SPSB4: variants seen among roughly 807,000 people sequenced by gnomAD.
The protein encoded by SPSB4 is splA/ryanodine receptor domain and SOCS box containing 4.
In SPSB4, 21 loss-of-function variants were observed where a neutral mutation model predicts 20.9. The observed-to-expected ratio is 1.01, with a 90% CI of 0.71 to 1.45. The LOEUF (loss-of-function observed/expected upper bound fraction) is 1.45. Ranked by LOEUF, SPSB4 falls within the 40% of genes most tolerant of loss-of-function variation. The pLI is 0.00. For missense variants in SPSB4, 399 were observed against 399.2 expected, an observed-to-expected ratio of 1.00 and a Z score of 0.00; for synonymous variants, 207 against 183.8, an observed-to-expected ratio of 1.13 and a Z score of -1.02.
At chr3:141,124,820 C>T (rs1164124707) in intron 2 of SPSB4, among the ~76,000 whole-genome samples, 6 of 152,088 alleles carry the variant, frequency 3.9e-5, no homozygotes, top group Non-Finnish European at 7.4e-5. Flanking sequence ...AGGCCACAGA[C>T]AGGGCATGTG....
chr3:141,146,036 A>G lies in SPSB4; in HGVS notation c.695-1106A>G, dbSNP rs1490450150. The stretch of plus-strand genomic sequence containing the variant: ...TATTGCATATATTACACTCTATTAA[A>G]ATGATTCACCTATTTAAAATCCCAG... On this transcript the variant is annotated intron_variant, in intron 2 of 2. Coordinates refer to ENST00000310546, the MANE Select transcript of SPSB4 (RefSeq NM_080862.3). 2.0e-5 allele frequency among the ~76,000 whole-genome samples: 3 copies of G among 151,952 alleles called. No individual in the cohort carries two copies. In the East Asian group the frequency reaches 5.8e-4, roughly 29 times the overall value.
At chr3:141,123,658 C>G (rs925795846) in intron 2 of SPSB4, among the ~76,000 whole-genome samples, 2 of 152,218 alleles carry the variant, frequency 1.3e-5, no homozygotes, top group South Asian at 4.1e-4. Flanking sequence ...ACTGTCTCTG[C>G]AAGCACCCTT....
intron 2 of SPSB4, among the ~76,000 whole-genome samples, chr3:141,075,448 TAACTTTGCAG>T (rs762702078): frequency 5.3e-5 from 8 of 152,186 alleles, no homozygotes; most frequent in Non-Finnish European, 1.2e-4. Context: ...ATAAGTTTCC[TAACTTTGCAG>T]TTCCTCGGTA....
chr3:141,091,196 G>T (rs1484395545), intron 2 of SPSB4, among the ~76,000 whole-genome samples: 1 of 152,222 alleles, frequency 6.6e-6, no homozygotes, highest in African/African-American at 2.4e-5. Context: ...GATGTAGCAT[G>T]AAATCCCCTG....
intron 2 of SPSB4, among the ~76,000 whole-genome samples, chr3:141,104,635 C>G (rs1228435994): frequency 6.6e-6 from 1 of 152,202 alleles, no homozygotes; most frequent in Non-Finnish European, 1.5e-5. Context: ...GTCAGGCAGG[C>G]AGTGGTGTCT....
intron 2 of SPSB4, among the ~76,000 whole-genome samples, chr3:141,098,271 G>GT (rs966232632): frequency 1.3e-5 from 2 of 152,016 alleles, no homozygotes; most frequent in African/African-American, 4.8e-5. Context: ...TTTTGTGTTT[G>GT]TTTTTTTGAA....
intron 1 of SPSB4, among the ~76,000 whole-genome samples, chr3:141,053,465 A>T (rs1269743758): frequency 6.6e-6 from 1 of 152,208 alleles, no homozygotes; most frequent in African/African-American, 2.4e-5. Flanking sequence ...TTTTAAAGAT[A>T]TATTTAATGA....
At chr3:141,104,704 A>G (rs960585419) in intron 2 of SPSB4, among the ~76,000 whole-genome samples, 1 of 152,226 alleles carries the variant, frequency 6.6e-6, no homozygotes, top group African/African-American at 2.4e-5. Flanking sequence ...GAGCCAGCAC[A>G]GGCTGCGCGG....
At chr3:141,104,620 C>CA (rs1938661126) in intron 2 of SPSB4, among the ~76,000 whole-genome samples, 1 of 152,168 alleles carries the variant, frequency 6.6e-6, no homozygotes, top group Non-Finnish European at 1.5e-5. Flanking sequence ...ACACAGGTGG[C>CA]CGGTGTCAGG....
chr3:141,089,037 G>A (rs145660268), intron 2 of SPSB4, among the ~76,000 whole-genome samples: 41 of 152,318 alleles, frequency 2.7e-4, no homozygotes, highest in Middle Eastern at 3.4e-3. Context: ...TGTGCAACTC[G>A]CTTCCTTCAT....
At chr3:141,125,634 G>A (rs1300883028) in intron 2 of SPSB4, among the ~76,000 whole-genome samples, 1 of 152,204 alleles carries the variant, frequency 6.6e-6, no homozygotes, top group African/African-American at 2.4e-5. Context: ...TTTCAGGCAT[G>A]GGCCCAAGGT....
At chr3:141,109,107 A>T (rs143719166) in intron 2 of SPSB4, among the ~76,000 whole-genome samples, 2 of 152,348 alleles carry the variant, frequency 1.3e-5, no homozygotes, top group Non-Finnish European at 1.5e-5. Flanking sequence ...TTATTAAAAC[A>T]TGACAGTGAT....
At chr3:141,091,479 ATC>A (rs1185799234) in intron 2 of SPSB4, among the ~76,000 whole-genome samples, 1 of 152,220 alleles carries the variant, frequency 6.6e-6, no homozygotes, top group Non-Finnish European at 1.5e-5. Flanking sequence ...CAACTTTTGA[ATC>A]TGTTTTCTAT....
At chr3:141,105,724 A>C (rs2107796670) in intron 2 of SPSB4, among the ~76,000 whole-genome samples, 1 of 152,358 alleles carries the variant, frequency 6.6e-6, no homozygotes, top group Non-Finnish European at 1.5e-5. Flanking sequence ...GGAAGAGGCA[A>C]GTAATTAATA....
At chr3:141,109,683 T>C (rs1938761859) in intron 2 of SPSB4, among the ~76,000 whole-genome samples, 1 of 151,932 alleles carries the variant, frequency 6.6e-6, no homozygotes, top group African/African-American at 2.4e-5. Flanking sequence ...CTCCTCTTCC[T>C]CCCCATCTTA....
intron 2 of SPSB4, among the ~76,000 whole-genome samples, chr3:141,145,861 C>T (rs538643704): frequency 6.6e-6 from 1 of 152,224 alleles, no homozygotes; most frequent in South Asian, 2.1e-4. Flanking sequence ...TTTGCCTGTT[C>T]TCTCTGCCTA....
intron 2 of SPSB4, among the ~76,000 whole-genome samples, chr3:141,125,039 G>A (rs1432437215): frequency 6.6e-6 from 1 of 152,120 alleles, no homozygotes; most frequent in Admixed American, 6.5e-5. Context: ...TGGATAAGGA[G>A]TTAAGTACAT....
chr3:141,120,668 G>T (rs965663553), intron 2 of SPSB4, among the ~76,000 whole-genome samples: 4 of 152,094 alleles, frequency 2.6e-5, no homozygotes, highest in Non-Finnish European at 5.9e-5. Flanking sequence ...TTATGTAATG[G>T]CCTTCTTTGT....
At chr3:141,127,909 C>T (rs993252535) in intron 2 of SPSB4, among the ~76,000 whole-genome samples, 1 of 152,214 alleles carries the variant, frequency 6.6e-6, no homozygotes, top group Non-Finnish European at 1.5e-5. Flanking sequence ...GCTCTTTGTT[C>T]CCAGTTCATT....
Sources: gnomAD v4.1 joint callset for allele counts (sites outside exome capture counted in the v4.1 genomes callset) on GRCh38, gnomAD v4.1.1 for gene constraint, MANE v1.5 for transcripts, NCBI Gene and HGNC (gene_info 2026-07-23, HGNC 2026-07-21) for gene names.